The following NTN1 variants were observed in gnomAD, a reference collection of about 807,000 sequenced individuals.
NTN1 encodes netrin-1.
NTN1 carries 11 observed loss-of-function variants against 54.2 expected under a neutral mutation model. The observed-to-expected ratio is 0.20, with a 90% confidence interval of 0.13 to 0.34. NTN1 has a LOEUF of 0.34. Ranked by LOEUF, NTN1 falls within the 10% of genes least tolerant of loss-of-function variation. The pLI is 1.00. For missense variants in NTN1, 740 were observed against 893.1 expected (o/e 0.83, Z 2.18); for synonymous variants, 371 against 382.0 (o/e 0.97, Z 0.33).
intron 5 of NTN1, among the ~76,000 whole-genome samples, chr17:9,193,938 A>AC (rs1555575002): frequency 2.8e-5 from 3 of 108,404 alleles, no homozygotes; most frequent in Admixed American, 1.0e-4. Flanking sequence ...AAAAAAAAAA[A>AC]AAAAAACATT....
chr17:9,006,081 G>C, the NTN1 span, among the ~76,000 whole-genome samples: 1 of 151,972 alleles, frequency 6.6e-6, no homozygotes, highest in African/African-American at 2.4e-5. Context: ...AGCATGCTGG[G>C]GTTTGGAGGT....
rs925890899 is a variant in NTN1, at chr17:9,221,039, G to T, written c.1412-129G>T. 9 of 751,624 alleles carry T rather than the reference G, an allele frequency of 1.2e-5. No homozygotes were observed. Among genetic ancestry groups the T allele is most frequent in the Admixed American group, 7.8e-5 (4 of 51,332 alleles). The allele number at this position is 751,624 out of a possible 1,614,324, so 46.6% of individuals were successfully genotyped here. ...GCCTTTCCTGAATGGCCGCCTGCCC[G>T]CCCGGCCTGGCCCATGGGTATCACA... On this transcript the variant is annotated intron_variant, in intron 5 of 6. Coordinates refer to ENST00000173229, the MANE Select transcript of NTN1 (RefSeq NM_004822.3). This position sits in a 1 kb window ranked among gnomAD's most constrained non-coding sequence, Gnocchi z 4.5.
chr17:9,229,833 T>C (rs1424629205), intron 6 of NTN1, among the ~76,000 whole-genome samples: 1 of 151,998 alleles, frequency 6.6e-6, no homozygotes, highest in South Asian at 2.1e-4. Context: ...TAGTTGGCAA[T>C]GGAGGCAGGC....
chr17:9,115,717 C>T (rs924612329), intron 2 of NTN1, among the ~76,000 whole-genome samples: 9 of 152,364 alleles, frequency 5.9e-5, no homozygotes, highest in Non-Finnish European at 1.0e-4. Flanking sequence ...TTCCCGGGGC[C>T]GCAGCCCCCA....
chr17:9,107,972 C>T (rs577563162), intron 2 of NTN1, among the ~76,000 whole-genome samples: 3 of 152,292 alleles, frequency 2.0e-5, no homozygotes, highest in South Asian at 4.1e-4. Context: ...ATTCATCAAA[C>T]ATAGTTTGAT....
Position 9,162,925 on chromosome 17 carries a change from C to G in NTN1, c.1131C>G (p.Gly377=), listed in dbSNP as rs1237420695. The change falls in exon 3 of 7, where the codon GGC becomes GGG. Residue 377 remains glycine, a synonymous_variant. Transcript: ENST00000173229. ...TCAACTGTCGCCACAACACCGCCGG[C>G]CGCCACTGCCATTACTGCAAGGAGG... The part of the protein sequence containing the change: ...VCLNCRHNTA[G]RHCHYCKEGY... 6.2e-7 allele frequency: 1 copy of G among 1,613,694 alleles called. No homozygotes were observed. The highest frequency in any genetic ancestry group is 8.5e-7 in the Non-Finnish European group (1 of 1,179,894).
intron 6 of NTN1, among the ~76,000 whole-genome samples, chr17:9,226,171 G>GGGGGGC (rs1555578672): frequency 2.0e-5 from 3 of 147,536 alleles, no homozygotes; most frequent in South Asian, 2.3e-4. Flanking sequence ...TCGGGGGGGG[G>GGGGGGC]CCTCAGTGCC....
intron 5 of NTN1, among the ~76,000 whole-genome samples, chr17:9,191,775 C>A (rs1437348799): frequency 6.6e-6 from 1 of 151,298 alleles, no homozygotes; most frequent in Non-Finnish European, 1.5e-5. Flanking sequence ...TGCCTGTGAT[C>A]CCAGCACTTT....
chr17:9,118,851 GTAA>G (rs2092223407), intron 2 of NTN1, among the ~76,000 whole-genome samples: 1 of 152,326 alleles, frequency 6.6e-6, no homozygotes, highest in East Asian at 1.9e-4. Context: ...TCATTGCTGA[GTAA>G]TATTCCATTG....
chr17:9,044,871 C>CG (rs1283202393), intron 2 of NTN1, among the ~76,000 whole-genome samples: 3 of 152,054 alleles, frequency 2.0e-5, no homozygotes, highest in South Asian at 2.1e-4. Flanking sequence ...AGAGTAAAAG[C>CG]GGGGGGTCAC....
intron 2 of NTN1, among the ~76,000 whole-genome samples, chr17:9,039,305 C>A (rs1249843526): frequency 6.6e-6 from 1 of 152,112 alleles, no homozygotes; most frequent in African/African-American, 2.4e-5. Context: ...AATTTGACAG[C>A]AGTGTTGTTA....
At chr17:9,011,416 A>G in the NTN1 span, among the ~76,000 whole-genome samples, 1 of 152,164 alleles carries the variant, frequency 6.6e-6, no homozygotes, top group South Asian at 2.1e-4. Flanking sequence ...CTGTCTTGTC[A>G]GATTTCCCTC....
At chr17:9,220,933 C>G (rs573043176) in intron 5 of NTN1, among the ~76,000 whole-genome samples, 453 of 44,514 alleles carry the variant, frequency 0.01, 2 homozygotes, top group African/African-American at 0.039. Context: ...CAGGCGGTGG[C>G]TGAGGGATTC....
At chr17:9,192,358 T>A (rs1050315472) in intron 5 of NTN1, among the ~76,000 whole-genome samples, 20 of 152,196 alleles carry the variant, frequency 1.3e-4, no homozygotes, top group Non-Finnish European at 2.2e-4. Flanking sequence ...AGATAAAATA[T>A]AGTGCCAGGT....
At chr17:9,164,328 G>A (rs1053115389) in intron 3 of NTN1, among the ~76,000 whole-genome samples, 4 of 152,148 alleles carry the variant, frequency 2.6e-5, no homozygotes, top group Non-Finnish European at 4.4e-5. Context: ...GGGAGGCTGA[G>A]GCAGGAGAAT....
At chr17:9,145,916 C>CAA (rs60504172) in intron 2 of NTN1, among the ~76,000 whole-genome samples, 2,124 of 88,586 alleles carry the variant, frequency 0.024, 83 homozygotes, top group African/African-American at 0.083. Context: ...GACTCCATCT[C>CAA]AAAAAAAAAA....
At chr17:9,096,373 T>C (rs1207548251) in intron 2 of NTN1, among the ~76,000 whole-genome samples, 2 of 131,476 alleles carry the variant, frequency 1.5e-5, no homozygotes, top group Admixed American at 7.7e-5. Flanking sequence ...AGACTTTTTT[T>C]TTTTTTTTTT....
At chr17:9,228,908 C>CTGATTGTGTG (rs11281340) in intron 6 of NTN1, among the ~76,000 whole-genome samples, 9 of 149,500 alleles carry the variant, frequency 6.0e-5, no homozygotes, top group South Asian at 2.1e-4. Flanking sequence ...GTGTTCGTGA[C>CTGATTGTGTG]TGTGTGTGAC....
upstream of NTN1, among the ~76,000 whole-genome samples, chr17:9,020,601 C>A (rs889641429): frequency 6.6e-6 from 1 of 152,234 alleles, no homozygotes; most frequent in Non-Finnish European, 1.5e-5. Context: ...GTTTCCTCAT[C>A]TGCAAAATGG....
Sources: allele counts gnomAD v4.1 joint callset (sites outside exome capture counted in the v4.1 genomes callset), GRCh38; gene constraint gnomAD v4.1.1; non-coding constraint Gnocchi (gnomAD v3.1); transcripts MANE v1.5; gene names NCBI Gene and HGNC (gene_info 2026-07-23, HGNC 2026-07-21).